Variants in SPIDR observed in about 807,000 individuals in gnomAD.
SPIDR encodes the protein scaffold protein involved in DNA repair.
In SPIDR, 93 loss-of-function variants were observed where a neutral mutation model predicts 104.6. That is an observed-to-expected ratio of 0.89 (90% CI 0.75 to 1.06). SPIDR has a LOEUF of 1.06. Ranked by LOEUF, SPIDR falls within the 50% of genes least tolerant of loss-of-function variation. The pLI is 0.00. For missense variants in SPIDR, 1,154 were observed against 1,111.2 expected (o/e 1.04, Z -0.55); for synonymous variants, 431 against 416.9 (o/e 1.03, Z -0.41).
intron 14 of SPIDR, among the ~76,000 whole-genome samples, chr8:47,708,280 C>A (rs1187618465): frequency 6.6e-6 from 1 of 152,266 alleles, no homozygotes; most frequent in African/African-American, 2.4e-5. Flanking sequence ...GCCTGGGCGA[C>A]AGAGCGAGAC....
chr8:47,546,067 G>A (rs2089309713), intron 8 of SPIDR, among the ~76,000 whole-genome samples: 1 of 151,972 alleles, frequency 6.6e-6, no homozygotes, highest in Admixed American at 6.5e-5. Flanking sequence ...AAGCATATTG[G>A]CCTATAGTTT....
chr8:47,433,906 G>A (rs1012144044), intron 7 of SPIDR, among the ~76,000 whole-genome samples: 1 of 168 alleles, frequency 6.0e-3, no homozygotes, highest in Non-Finnish European at 0.012. Flanking sequence ...CGTAGAGCAG[G>A]GTATACACCT....
intron 5 of SPIDR, among the ~76,000 whole-genome samples, chr8:47,319,355 T>TTC (rs1563597276): frequency 6.6e-6 from 1 of 152,150 alleles, no homozygotes; most frequent in African/African-American, 2.4e-5. Context: ...AGCAGGCCAT[T>TTC]ATGTAATGGT....
intron 10 of SPIDR, among the ~76,000 whole-genome samples, chr8:47,672,252 T>C (rs2075897831): frequency 6.6e-6 from 1 of 152,238 alleles, no homozygotes; most frequent in Non-Finnish European, 1.5e-5. Context: ...TGAGCCACTA[T>C]GGCCAGCCCC....
chr8:47,285,834 G>C (rs2080319812), intron 3 of SPIDR, among the ~76,000 whole-genome samples: 1 of 152,130 alleles, frequency 6.6e-6, no homozygotes, highest in Non-Finnish European at 1.5e-5. Context: ...TTGGTGGGGG[G>C]GGACACAGTT....
intron 8 of SPIDR, chr8:47,592,200 G>A (rs879252776): frequency 7.3e-7 from 1 of 1,363,168 alleles, no homozygotes; most frequent in Admixed American, 1.7e-5. Context: ...TCTATGGCTT[G>A]GGCTTTGTTG....
chr8:47,592,529 G>T, intron 8 of SPIDR: 1 of 1,376,484 alleles, frequency 7.3e-7, no homozygotes, highest in Non-Finnish European at 1.0e-6. Flanking sequence ...GCTCTCATCT[G>T]GTTCTGCTTT....
At chr8:47,291,563 C>T (rs1326281170) in intron 4 of SPIDR, among the ~76,000 whole-genome samples, 2 of 152,164 alleles carry the variant, frequency 1.3e-5, no homozygotes, top group East Asian at 3.8e-4. Flanking sequence ...TGAGTCCCAC[C>T]CTCTATGCTA....
intron 8 of SPIDR, among the ~76,000 whole-genome samples, chr8:47,473,510 A>G (rs2075959987): frequency 6.6e-6 from 1 of 152,264 alleles, no homozygotes; most frequent in Middle Eastern, 3.4e-3. Flanking sequence ...TGAAAAGCTC[A>G]TAATTCTCCT....
intron 8 of SPIDR, among the ~76,000 whole-genome samples, chr8:47,491,358 A>C (rs1369696463): frequency 3.9e-5 from 6 of 152,146 alleles, no homozygotes; most frequent in Non-Finnish European, 8.8e-5. Context: ...GTTTATTTAA[A>C]AGAAAAAAAG....
chr8:47,647,648 GAGAGAGGGAGAGAGA>G (rs1563416038), intron 10 of SPIDR, among the ~76,000 whole-genome samples: 8 of 148,298 alleles, frequency 5.4e-5, no homozygotes, highest in African/African-American at 1.8e-4. Flanking sequence ...GAGAGAGAGA[GAGAGAGGGAGAGAGA>G]GAGAGGGAGA....
At chr8:47,559,310 A>G (rs2056772103) in intron 8 of SPIDR, among the ~76,000 whole-genome samples, 1 of 152,250 alleles carries the variant, frequency 6.6e-6, no homozygotes, top group South Asian at 2.1e-4. Context: ...AACCATCCAT[A>G]AGTATATACC....
Position 47,565,017 on chromosome 8 carries a change from C to T in SPIDR, c.1098-30794C>T, listed in dbSNP as rs1035656426. ...ATGCCAGCACTTTGGGAGGCTGAGG[C>T]GGGCAGATCACCTGAGGTCAGTAGT... On this transcript the variant is annotated intron_variant, in intron 8 of 19. Coordinates refer to ENST00000297423, the MANE Select transcript of SPIDR (RefSeq NM_001080394.4). Among the ~76,000 whole-genome samples, 10 of 152,114 alleles carry T rather than the reference C, an allele frequency of 6.6e-5. No individual in the cohort carries two copies. The East Asian group carries it at 7.7e-4, about 12-fold the overall frequency.
chr8:47,280,863 C>T (rs1437178450), intron 2 of SPIDR, among the ~76,000 whole-genome samples: 1 of 152,170 alleles, frequency 6.6e-6, no homozygotes, highest in South Asian at 2.1e-4. Flanking sequence ...TTAATCCATG[C>T]AGAACCTTTC....
chr8:47,328,475 C>T (rs571227059), intron 5 of SPIDR, among the ~76,000 whole-genome samples: 2 of 150,764 alleles, frequency 1.3e-5, no homozygotes, highest in Admixed American at 1.3e-4. Flanking sequence ...TGTTCTCAAA[C>T]TCCTGGCTTC....
chr8:47,414,505 T>C (rs544260161), intron 7 of SPIDR, among the ~76,000 whole-genome samples: 4 of 152,366 alleles, frequency 2.6e-5, no homozygotes, highest in Non-Finnish European at 5.9e-5. Flanking sequence ...TGAGAAATTA[T>C]GGCTTACAAA....
At chr8:47,415,351 G>C (rs1353921147) in intron 7 of SPIDR, among the ~76,000 whole-genome samples, 1 of 152,136 alleles carries the variant, frequency 6.6e-6, no homozygotes, top group Non-Finnish European at 1.5e-5. Flanking sequence ...GGACAGCCAG[G>C]ATGATGATCT....
chr8:47,520,263 A>G (rs1193770771), intron 8 of SPIDR, among the ~76,000 whole-genome samples: 1 of 152,168 alleles, frequency 6.6e-6, no homozygotes, highest in African/African-American at 2.4e-5. Context: ...TCATTAAATG[A>G]TCCCCCAGCT....
intron 8 of SPIDR, among the ~76,000 whole-genome samples, chr8:47,487,439 A>G (rs925920911): frequency 7.2e-5 from 11 of 152,224 alleles, no homozygotes; most frequent in African/African-American, 2.4e-4. Context: ...AACATTAGAC[A>G]GATCAACGAG....
Sources: allele counts gnomAD v4.1 joint callset (sites outside exome capture counted in the v4.1 genomes callset), GRCh38; gene constraint gnomAD v4.1.1; transcripts MANE v1.5; gene names NCBI Gene and HGNC (gene_info 2026-07-23, HGNC 2026-07-21).